The following ZNF69 variants were observed in gnomAD, a reference collection of about 807,000 sequenced individuals.
ZNF69 encodes zinc finger protein 69.
Under a neutral mutation model 50.9 loss-of-function variants are expected in ZNF69, and 47 were observed. The observed-to-expected ratio is 0.92, with a 90% CI of 0.73 to 1.18. The LOEUF (loss-of-function observed/expected upper bound fraction) is 1.18. ZNF69 is among the 50% of genes most tolerant of loss of function. The pLI, the probability that ZNF69 is intolerant of heterozygous loss-of-function variation, is 0.00. For synonymous variants in ZNF69, 216 were observed against 223.1 expected (o/e 0.97, Z 0.29); for missense variants, 717 against 675.1 (o/e 1.06, Z -0.69).
chr19:11,949,995 CT>C, the ZNF69 span: 1 of 1,614,080 alleles, frequency 6.2e-7, no homozygotes, highest in Non-Finnish European at 8.5e-7. Flanking sequence ...AAAAAGCATT[CT>C]GTAAATTCTC....
At chr19:11,953,621 T>A in the ZNF69 span, among the ~76,000 whole-genome samples, 5 of 152,334 alleles carry the variant, frequency 3.3e-5, no homozygotes, top group East Asian at 9.6e-4. Context: ...ATAGGGAATA[T>A]CATGAGTATT....
downstream of ZNF69, among the ~76,000 whole-genome samples, chr19:11,911,214 C>A (rs1002883042): frequency 4.8e-4 from 73 of 152,308 alleles, no homozygotes; most frequent in African/African-American, 1.7e-3. Context: ...AACACTTTTA[C>A]ACTGTTGGTG....
the ZNF69 span, among the ~76,000 whole-genome samples, chr19:11,966,816 A>C: frequency 6.6e-6 from 1 of 152,242 alleles, no homozygotes; most frequent in African/African-American, 2.4e-5. Flanking sequence ...CGAAAGGTTC[A>C]GATTTCAGCT....
intron 1 of ZNF69, among the ~76,000 whole-genome samples, chr19:11,892,067 TC>T (rs1219676218): frequency 5.9e-5 from 9 of 151,602 alleles, no homozygotes; most frequent in African/African-American, 2.2e-4. Context: ...AGCCTTGACC[TC>T]CCTGGCTCAA....
the ZNF69 span, among the ~76,000 whole-genome samples, chr19:11,928,753 A>G: frequency 7.1e-6 from 1 of 140,072 alleles, no homozygotes; most frequent in South Asian, 2.2e-4. Flanking sequence ...AAAAAAAAAG[A>G]AAGTAGTCTC....
At chr19:11,963,055 G>A in the ZNF69 span, among the ~76,000 whole-genome samples, 1 of 148,202 alleles carries the variant, frequency 6.7e-6, no homozygotes, top group Admixed American at 6.6e-5. Context: ...GGGGGTCAGG[G>A]TTTCCCCAGG....
the ZNF69 span, chr19:11,947,444 G>A: frequency 7.7e-5 from 123 of 1,600,008 alleles, no homozygotes; most frequent in Non-Finnish European, 1.0e-4. Context: ...TAAATCATGG[G>A]CACAGAATCT....
the ZNF69 span, among the ~76,000 whole-genome samples, chr19:11,974,328 C>G: frequency 6.6e-6 from 1 of 151,040 alleles, no homozygotes; most frequent in Non-Finnish European, 1.5e-5. Flanking sequence ...TCCCAAGTAG[C>G]TGGGATTACA....
the ZNF69 span, among the ~76,000 whole-genome samples, chr19:11,970,033 C>T: frequency 9.9e-5 from 15 of 152,158 alleles, no homozygotes; most frequent in African/African-American, 2.9e-4. Flanking sequence ...TGGGACCTCC[C>T]GAGGGAGCAG....
the ZNF69 span, chr19:11,949,516 C>A: frequency 1.2e-6 from 2 of 1,610,630 alleles, no homozygotes; most frequent in Non-Finnish European, 1.7e-6. Context: ...GACAGAAAAA[C>A]ACATAAGAAT....
At chr19:11,968,307 A>G in the ZNF69 span, among the ~76,000 whole-genome samples, 2 of 152,114 alleles carry the variant, frequency 1.3e-5, no homozygotes, top group Non-Finnish European at 2.9e-5. Flanking sequence ...AGGCTGGAGC[A>G]GTGGTGCGAT....
chr19:11,935,806 C>T, the ZNF69 span, among the ~76,000 whole-genome samples: 58 of 152,140 alleles, frequency 3.8e-4, no homozygotes, highest in Non-Finnish European at 7.6e-4. Context: ...TTGTTGCACC[C>T]ATCAACTTGT....
the ZNF69 span, among the ~76,000 whole-genome samples, chr19:11,961,958 C>CACATAT: frequency 1.4e-5 from 2 of 144,936 alleles, no homozygotes; most frequent in South Asian, 4.4e-4. Flanking sequence ...CACACACACA[C>CACATAT]ATATATATTG....
chr19:11,911,637 A>C (rs1972459652), downstream of ZNF69, among the ~76,000 whole-genome samples: 1 of 152,184 alleles, frequency 6.6e-6, no homozygotes, highest in South Asian at 2.1e-4. Flanking sequence ...ACACTTGGAC[A>C]CAGGGAGGGA....
chr19:11,940,333 GGTGA>G, the ZNF69 span, among the ~76,000 whole-genome samples: 1 of 152,132 alleles, frequency 6.6e-6, no homozygotes, highest in Admixed American at 6.5e-5. Flanking sequence ...GGACCCTTGC[GGTGA>G]GTGTTACAGC....
At chr19:11,966,127 G>A in the ZNF69 span, among the ~76,000 whole-genome samples, 5 of 152,116 alleles carry the variant, frequency 3.3e-5, no homozygotes, top group South Asian at 4.1e-4. Flanking sequence ...CTTACCTTGC[G>A]TGGCCTTAGG....
intron 1 of ZNF69, among the ~76,000 whole-genome samples, chr19:11,891,390 GAAAA>G (rs796855190): frequency 7.2e-6 from 1 of 138,264 alleles, no homozygotes; most frequent in South Asian, 2.3e-4. Context: ...AAAAAAAAAA[GAAAA>G]GAAAGAAAGG....
the ZNF69 span, chr19:11,949,390 A>T: frequency 3.7e-6 from 6 of 1,613,908 alleles, no homozygotes; most frequent in Non-Finnish European, 5.1e-6. Flanking sequence ...GAAAGCCTTC[A>T]GATCTACCTC....
intron 4 of ZNF69, among the ~76,000 whole-genome samples, chr19:11,911,757 C>G (rs534971492): frequency 6.6e-6 from 1 of 152,050 alleles, no homozygotes. Flanking sequence ...CAACATGGCA[C>G]GTGTATACAT....
Sources: gnomAD v4.1 joint callset for allele counts (sites outside exome capture counted in the v4.1 genomes callset) on GRCh38, gnomAD v4.1.1 for gene constraint, MANE v1.5 for transcripts, NCBI Gene and HGNC (gene_info 2026-07-23, HGNC 2026-07-21) for gene names.